The following PRKAA2 variants were observed in gnomAD, a reference collection of about 807,000 sequenced individuals.
PRKAA2 encodes 5'-AMP-activated protein kinase catalytic subunit alpha-2.
A neutral mutation model predicts 56.3 loss-of-function variants in PRKAA2; 40 were observed. That is an observed-to-expected ratio of 0.71 (90% confidence interval 0.55 to 0.92). The LOEUF (loss-of-function observed/expected upper bound fraction) is 0.92. Among genes scored for constraint, PRKAA2 ranks in the 40% least tolerant of loss-of-function variants. The probability of loss-of-function intolerance (pLI) is 0.00; values close to 1 mark genes in which losing one functional copy is unlikely to be tolerated. For synonymous variants in PRKAA2, 214 were observed against 234.2 expected (o/e 0.91, Z 0.79); for missense variants, 542 against 686.9 (o/e 0.79, Z 2.36).
At chr1:56,694,451 G>A (rs1353734989) in intron 5 of PRKAA2, among the ~76,000 whole-genome samples, 1 of 152,106 alleles carries the variant, frequency 6.6e-6, no homozygotes, top group Admixed American at 6.5e-5. Flanking sequence ...AAGTATTATT[G>A]CAAATAGCAG....
intron 1 of PRKAA2, among the ~76,000 whole-genome samples, chr1:56,657,468 G>A (rs1377916873): frequency 1.3e-5 from 2 of 152,188 alleles, no homozygotes; most frequent in African/African-American, 4.8e-5. Flanking sequence ...CTGAGGTCAG[G>A]AGTTTGAGAC....
At chr1:56,699,722 C>T (rs950277657) in intron 6 of PRKAA2, among the ~76,000 whole-genome samples, 19 of 152,028 alleles carry the variant, frequency 1.2e-4, no homozygotes, top group Admixed American at 6.6e-4. Flanking sequence ...TTTTATCATC[C>T]GTGAAAGAAA....
Position 56,707,510 on chromosome 1 carries a change from C to T in PRKAA2, c.1456C>T (p.Pro486Ser). The change falls in exon 9 of 9, where the codon CCT becomes TCT. Residue 486 changes from proline (P) to serine (S), a missense_variant. Physicochemically the swap from Pro to Ser is moderately conservative, Grantham distance 74 (BLOSUM62 -1). This residue lies in a region of PRKAA2 where 158 missense variants were observed against 166.1 expected (regional missense o/e 0.95). Transcript: ENST00000371244. ...GGAGCAGAGATCTGGTTCCTCAACACCTCAGCGTTCCTGTTCTGCTGCTGG... is the reference window on the plus strand; with the variant it reads ...GGAGCAGAGATCTGGTTCCTCAACATCTCAGCGTTCCTGTTCTGCTGCTGG... ...VVEQRSGSSTPQRSCSAAGLH... is the reference protein window; with the variant it reads ...VVEQRSGSSTSQRSCSAAGLH... 6.2e-7 allele frequency: 1 copy of T among 1,614,180 alleles called. No homozygotes were observed. Among genetic ancestry groups the T allele is most frequent in the South Asian group, 1.1e-5 (1 of 91,082 alleles).
At chr1:56,661,202 G>T (rs2796529) in intron 1 of PRKAA2, among the ~76,000 whole-genome samples, 29,866 of 151,970 alleles carry the variant, frequency 0.2, 3,479 homozygotes, top group South Asian at 0.36. Context: ...TGTTCTTAAC[G>T]TTTTTATTGT....
chr1:56,707,624 A>C lies in PRKAA2; in HGVS notation c.1570A>C (p.Thr524Pro), dbSNP rs1281999558. 3.7e-6 allele frequency: 6 copies of C among 1,614,020 alleles called. No individual in the cohort carries two copies. The highest frequency in any genetic ancestry group is 5.1e-6 in the Non-Finnish European group (6 of 1,180,010). ...GSLTGSLTGS[T>P]LSSVSPRLGS... is the part of the protein sequence containing the mutation. ...TCTCACTGGCTCTTTGACCGGAAGC[A>C]CATTGTCTTCAGTTTCACCTCGCCT... The change falls in exon 9 of 9, where the codon ACA becomes CCA. Residue 524 changes from threonine (T) to proline (P), a missense_variant. Physicochemically the swap from Thr to Pro is conservative, Grantham distance 38. Transcript: ENST00000371244.
chr1:56,693,826 T>C lies in PRKAA2; in HGVS notation c.537T>C (p.Tyr179=). Residue 179 remains tyrosine, a synonymous_variant, in exon 5 of 9, where the codon TAT becomes TAC. Transcript: ENST00000371244. Reference sequence around the variant, plus strand: ...GAACTAGTTGCGGATCTCCAAATTATGCAGCACCTGAAGTCATCTCAGGCA... The same window carrying C: ...GAACTAGTTGCGGATCTCCAAATTACGCAGCACCTGAAGTCATCTCAGGCA... ...FLRTSCGSPN[Y]AAPEVISGRL... is the part of the protein sequence containing the mutation. 3 of 1,598,708 alleles carry C rather than the reference T, an allele frequency of 1.9e-6. No individual in the cohort carries two copies. Among genetic ancestry groups the C allele is most frequent in the Non-Finnish European group, 2.6e-6 (3 of 1,169,398 alleles).
At chr1:56,674,210 G>T (rs563508489) in intron 1 of PRKAA2, among the ~76,000 whole-genome samples, 171 bp from the exon 2 acceptor site, 2 of 152,116 alleles carry the variant, frequency 1.3e-5, no homozygotes. Context: ...TCCTCAGAGA[G>T]TGCATACTCT....
In PRKAA2 at chr1:56,662,567, A is replaced by G. The variant is rs182286579; in HGVS notation, c.95-11814A>G. ...CAAAGTGCTAGGATTGATTGCAGGC[A>G]TGAGCCACCATGCCCGGCCAACTTT... is the stretch of plus-strand genomic sequence containing the variant. On this transcript the variant is annotated intron_variant, in intron 1 of 8. Coordinates refer to ENST00000371244, the MANE Select transcript of PRKAA2 (RefSeq NM_006252.4). 6.0e-3 allele frequency among the ~76,000 whole-genome samples: 919 copies of G among 152,268 alleles called. 5 individuals carry two copies. The highest frequency in any genetic ancestry group is 0.021 in the African/African-American group (875 of 41,560).
At chr1:56,668,964 T>C (rs571943953) in intron 1 of PRKAA2, among the ~76,000 whole-genome samples, 1 of 152,174 alleles carries the variant, frequency 6.6e-6, no homozygotes, top group Non-Finnish European at 1.5e-5. Context: ...ACCGAAATCG[T>C]CAAGAGGCAG....
chr1:56,700,325 G>T (rs1488273084), intron 6 of PRKAA2, among the ~76,000 whole-genome samples: 1 of 152,112 alleles, frequency 6.6e-6, no homozygotes, highest in Non-Finnish European at 1.5e-5. Flanking sequence ...TGATATTGGG[G>T]TATATCCTTA....
At position 56,709,361 on chromosome 1, in the gene PRKAA2, A is replaced by AC. The variant is rs1375560692; in HGVS notation, c.*1648_*1649insC. On this transcript the variant is annotated 3_prime_UTR_variant, in exon 9 of 9. Transcript: ENST00000371244. ...CAGATCTTTTAAAAACTGATGTTAAATAACTTATAAGTCCAACTTCTTAAT... is the reference window on the plus strand; with the variant it reads ...CAGATCTTTTAAAAACTGATGTTAAACTAACTTATAAGTCCAACTTCTTAAT... The AC allele has an allele frequency of 6.6e-6, 1 of 152,194 alleles. No individual in the cohort carries two copies. The highest frequency in any genetic ancestry group is 1.5e-5 in the Non-Finnish European group (1 of 68,032). 9.4% of individuals were successfully genotyped at this position (152,194 alleles called of 1,614,324 possible). A position where few individuals can be genotyped will look rare whatever the true frequency, so the allele number is the denominator to read the frequency against.
At position 56,712,314 on chromosome 1, in the gene PRKAA2, AAC is replaced by A. The variant is rs949123241; in HGVS notation, c.*4605_*4606del. ...TCAGAGTGGTTGAGTAGTAAAAATA[AAC>A]ACAGATGTATTGCTTTCAAGTCTTA... is the stretch of plus-strand genomic sequence containing the variant. On this transcript the variant is annotated 3_prime_UTR_variant, in exon 9 of 9. Coordinates refer to ENST00000371244, the MANE Select transcript of PRKAA2 (RefSeq NM_006252.4). The A allele has an allele frequency of 6.6e-6, 1 of 152,194 alleles. No homozygotes were observed. Among genetic ancestry groups the A allele is most frequent in the African/African-American group, 2.4e-5 (1 of 41,446 alleles). 9.4% of individuals were successfully genotyped at this position (152,194 alleles called of 1,614,324 possible).
intron 2 of PRKAA2, among the ~76,000 whole-genome samples, chr1:56,680,555 G>A (rs1457551157): frequency 6.6e-6 from 1 of 152,002 alleles, no homozygotes; most frequent in African/African-American, 2.4e-5. Context: ...TCCCCTTCCT[G>A]TGTCCAAGTG....
chr1:56,645,456 C>G lies in PRKAA2; in HGVS notation c.69C>G (p.Gly23=). The G allele has an allele frequency of 6.6e-7, 1 of 1,506,898 alleles. No homozygotes were observed. Among genetic ancestry groups the G allele is most frequent in the Non-Finnish European group, 8.9e-7 (1 of 1,121,582 alleles). 93.3% of individuals were successfully genotyped at this position (1,506,898 alleles called of 1,614,324 possible). ...ACTACGTGCTGGGCGACACGCTGGG[C>G]GTCGGCACCTTCGGCAAAGTGAAGA... ...IGHYVLGDTL[G]VGTFGKVKIG... The change falls in exon 1 of 9, where the codon GGC becomes GGG. Residue 23 remains glycine (G), a synonymous_variant. Coordinates refer to ENST00000371244, the MANE Select transcript of PRKAA2 (RefSeq NM_006252.4).
At position 56,708,845 on chromosome 1, in the gene PRKAA2, A is replaced by T. The variant is rs1361828673; in HGVS notation, c.*1132A>T. The T allele has an allele frequency of 6.6e-6, 1 of 152,172 alleles. No homozygotes were observed. The highest frequency in any genetic ancestry group is 1.5e-5 in the Non-Finnish European group (1 of 68,024). 9.4% of individuals were successfully genotyped at this position (152,172 alleles called of 1,614,324 possible). A position where few individuals can be genotyped will look rare whatever the true frequency, so the allele number is the denominator to read the frequency against. On this transcript the variant is annotated 3_prime_UTR_variant, in exon 9 of 9. Coordinates refer to ENST00000371244, the MANE Select transcript of PRKAA2 (RefSeq NM_006252.4). ...CCTTTACTGTTGAACCTGATAGGGC[A>T]GGGAAGCTTTGAACATCAAGAAAAA... is the stretch of plus-strand genomic sequence containing the variant.
chr1:56,704,967 T>A (rs1644321865), intron 7 of PRKAA2, among the ~76,000 whole-genome samples: 1 of 152,162 alleles, frequency 6.6e-6, no homozygotes, highest in Admixed American at 6.6e-5. Context: ...CTAGTGCTTT[T>A]AATACTTAGA....
At chr1:56,668,350 C>T (rs768217365) in intron 1 of PRKAA2, among the ~76,000 whole-genome samples, 36 of 149,920 alleles carry the variant, frequency 2.4e-4, no homozygotes, top group Admixed American at 3.3e-4. Context: ...ACCAGCATGG[C>T]ACATGTATAC....
At position 56,686,613 on chromosome 1, in the gene PRKAA2, G is replaced by C. The variant is rs564457018; in HGVS notation, c.237-4781G>C. Among the ~76,000 whole-genome samples the C allele has an allele frequency of 4.6e-5, 7 of 152,250 alleles. No individual in the cohort carries two copies. The Middle Eastern group carries it at 0.017, about 370-fold the overall frequency. On this transcript the variant is annotated intron_variant, in intron 2 of 8. Transcript: ENST00000371244. Reference sequence around the variant, plus strand: ...AGCCAGGGTGTCACATGGTGAGGGAGAGCAAGAGAGGAAGGAGGAAGAGCC... The same window carrying C: ...AGCCAGGGTGTCACATGGTGAGGGACAGCAAGAGAGGAAGGAGGAAGAGCC...
intron 1 of PRKAA2, among the ~76,000 whole-genome samples, chr1:56,646,408 T>G (rs1646642827): frequency 6.6e-6 from 1 of 152,204 alleles, no homozygotes; most frequent in Non-Finnish European, 1.5e-5. Context: ...AAGGTCTGTC[T>G]TCATGGAGAT....
Sources: gnomAD v4.1 joint callset for allele counts (sites outside exome capture counted in the v4.1 genomes callset) on GRCh38, gnomAD v4.1.1 for gene constraint, gnomAD v4.1.1 regional missense constraint, MANE v1.5 for transcripts, NCBI Gene and HGNC (gene_info 2026-07-23, HGNC 2026-07-21) for gene names.